LRTM1: variants seen among roughly 807,000 people sequenced by gnomAD.
The protein encoded by LRTM1 is leucine-rich repeat and transmembrane domain-containing protein 1.
In LRTM1, 38 loss-of-function variants were observed where a neutral mutation model predicts 32.4. The ratio of observed to expected loss-of-function variants is 1.17; its 90% CI spans 0.91 to 1.54. LRTM1 has a LOEUF of 1.54. LRTM1 is among the 40% of genes most tolerant of loss of function. The pLI is 0.00. For missense variants in LRTM1, 466 were observed against 415.4 expected (o/e 1.12, Z -1.06); for synonymous variants, 186 against 169.9 (o/e 1.09, Z -0.74).
At chr3:54,927,830 G>C in intron 1 of LRTM1, 75 bp downstream of exon 1, 1 of 1,475,914 alleles carries the variant, frequency 6.8e-7, no homozygotes. Flanking sequence ...TAGATTTCCC[G>C]CAGATACCTT....
At chr3:54,962,716 AG>A (rs1274798421) in intron 1 of LRTM1, among the ~76,000 whole-genome samples, 1 of 152,162 alleles carries the variant, frequency 6.6e-6, no homozygotes, top group Non-Finnish European at 1.5e-5. Flanking sequence ...TGATGGTGGC[AG>A]GATTGTTTTT....
At chr3:54,952,139 C>A (rs1701773305) in intron 1 of LRTM1, among the ~76,000 whole-genome samples, 1 of 152,222 alleles carries the variant, frequency 6.6e-6, no homozygotes, top group Admixed American at 6.5e-5. Flanking sequence ...AGCCACTGGG[C>A]CTGGCTGGCC....
chr3:54,924,804 G>T lies in LRTM1; in HGVS notation c.419C>A (p.Ser140Tyr). 1 of 1,614,080 alleles carries T rather than the reference G, an allele frequency of 6.2e-7. No homozygotes were observed. The highest frequency in any genetic ancestry group is 8.5e-7 in the Non-Finnish European group (1 of 1,180,016). ...SSNNISHLPT[S>Y]LGETWENLTI... ...TAGGTTCTCCCAAGTCTCTCCCAAGGATGTGGGAAGGTGGCTTATGTTGTT... is the reference window on the plus strand; with the variant it reads ...TAGGTTCTCCCAAGTCTCTCCCAAGTATGTGGGAAGGTGGCTTATGTTGTT... Residue 140 changes from serine (S) to tyrosine (Y), a missense_variant, in exon 2 of 3, where the codon TCC becomes TAC. Transcript: ENST00000273286.
At chr3:54,920,833 A>G (rs1463535117) in intron 2 of LRTM1, among the ~76,000 whole-genome samples, 2 of 152,158 alleles carry the variant, frequency 1.3e-5, no homozygotes, top group East Asian at 3.9e-4. Flanking sequence ...GGTTTACCCA[A>G]TCACCCCAGA....
chr3:54,935,127 T>C (rs1701297689), intron 1 of LRTM1, among the ~76,000 whole-genome samples: 1 of 152,168 alleles, frequency 6.6e-6, no homozygotes, highest in South Asian at 2.1e-4. Context: ...CAAGGTAGGG[T>C]TTCCCTGACA....
chr3:54,924,206 G>A (rs1700942407), intron 2 of LRTM1, among the ~76,000 whole-genome samples: 1 of 152,204 alleles, frequency 6.6e-6, no homozygotes, highest in African/African-American at 2.4e-5. Context: ...CAAATGGGTA[G>A]AAGCAGACAA....
chr3:54,946,515 G>A (rs1227972053), intron 1 of LRTM1, among the ~76,000 whole-genome samples: 1 of 152,132 alleles, frequency 6.6e-6, no homozygotes, highest in Non-Finnish European at 1.5e-5. Context: ...GTTAGCAGCA[G>A]GAAAGAAGAG....
Position 54,952,478 on chromosome 3 carries a change from T to C in LRTM1, c.-222+14450A>G, listed in dbSNP as rs1251676778. 3.9e-5 allele frequency among the ~76,000 whole-genome samples: 6 copies of C among 152,214 alleles called. No homozygotes were observed. In the East Asian group the frequency reaches 9.6e-4, roughly 24 times the overall value. On this transcript the variant is annotated intron_variant, in intron 1 of 2. Transcript: ENST00000493075. ...GTTCACAGATGTGGGAAAGAAAAAA[T>C]AAAACATGAGGCAAAAACTTGCAAG...
chr3:54,961,367 G>A (rs1357005201), intron 1 of LRTM1, among the ~76,000 whole-genome samples: 1 of 152,200 alleles, frequency 6.6e-6, no homozygotes, highest in East Asian at 1.9e-4. Context: ...TTTGGGAAAA[G>A]TCACTCTACT....
upstream of LRTM1, among the ~76,000 whole-genome samples, chr3:54,932,506 G>A (rs1028632576): frequency 6.6e-6 from 1 of 152,148 alleles, no homozygotes; most frequent in Admixed American, 6.5e-5. Context: ...CAAAAATTAA[G>A]AAGCAAGTAA....
chr3:54,928,079 C>T (rs934368215), upstream of LRTM1: 2 of 647,812 alleles, frequency 3.1e-6, no homozygotes, highest in African/African-American at 3.6e-5. Context: ...TTTCAAAAGA[C>T]CATTTATTTA....
intron 1 of LRTM1, among the ~76,000 whole-genome samples, chr3:54,942,739 A>G (rs1208224059): frequency 1.3e-5 from 2 of 151,922 alleles, no homozygotes; most frequent in African/African-American, 4.8e-5. Context: ...AATAAAAAAA[A>G]TTAGGCCAGG....
At chr3:54,926,479 T>C (rs1224463496) in intron 1 of LRTM1, among the ~76,000 whole-genome samples, 1 of 149,536 alleles carries the variant, frequency 6.7e-6, no homozygotes, top group African/African-American at 2.5e-5. Context: ...AGAGTTCTTA[T>C]CTACTGTGCT....
chr3:54,960,056 TC>T (rs1409809446), intron 1 of LRTM1, among the ~76,000 whole-genome samples: 1 of 148,280 alleles, frequency 6.7e-6, no homozygotes, highest in Non-Finnish European at 1.5e-5. Flanking sequence ...AGGTGACAGT[TC>T]CGAGAAGCTC....
At chr3:54,948,992 G>C (rs1701687357) in intron 1 of LRTM1, among the ~76,000 whole-genome samples, 1 of 152,192 alleles carries the variant, frequency 6.6e-6, no homozygotes, top group Admixed American at 6.5e-5. Context: ...TGGATCTGGG[G>C]CTCAGCTGAA....
chr3:54,956,977 A>G (rs970330068), intron 1 of LRTM1, among the ~76,000 whole-genome samples: 19 of 152,132 alleles, frequency 1.2e-4, no homozygotes, highest in African/African-American at 3.4e-4. Context: ...ACTTTCTTCT[A>G]TGACCCTTGC....
chr3:54,938,202 C>T (rs1214483432), intron 1 of LRTM1, among the ~76,000 whole-genome samples: 2 of 152,334 alleles, frequency 1.3e-5, no homozygotes, highest in East Asian at 3.9e-4. Context: ...GAAGAACCAG[C>T]CCTGCTGGGG....
chr3:54,934,399 TCTC>T (rs1312569195), intron 1 of LRTM1, among the ~76,000 whole-genome samples: 34 of 98,176 alleles, frequency 3.5e-4, no homozygotes. Context: ...GTTGTGTTCA[TCTC>T]CTTGTTTTTT....
At chr3:54,932,589 A>G (rs565964866), upstream of LRTM1, among the ~76,000 whole-genome samples, 3 of 152,352 alleles carry the variant, frequency 2.0e-5, no homozygotes, top group East Asian at 5.8e-4. Flanking sequence ...CTGTGTAAAT[A>G]TAGCATGCCT....
Sources: allele counts gnomAD v4.1 joint callset (sites outside exome capture counted in the v4.1 genomes callset), GRCh38; gene constraint gnomAD v4.1.1; transcripts MANE v1.5; gene names NCBI Gene and HGNC (gene_info 2026-07-23, HGNC 2026-07-21).